The following FBXO28 variants were observed in gnomAD, a reference collection of about 807,000 sequenced individuals.
The protein encoded by FBXO28 is F-box only protein 28.
FBXO28 carries 8 observed loss-of-function variants against 38.1 expected under a neutral mutation model. The observed-to-expected ratio is 0.21, with a 90% CI of 0.12 to 0.38. The LOEUF (loss-of-function observed/expected upper bound fraction) is 0.38, where lower values mean the gene tolerates loss of function less well. Among genes scored for constraint, FBXO28 ranks in the 10% least tolerant of loss-of-function variants. The pLI is 1.00. For synonymous variants in FBXO28, 168 were observed against 173.8 expected, an observed-to-expected ratio of 0.97 and a Z score of 0.26; for missense variants, 345 against 460.6, an observed-to-expected ratio of 0.75 and a Z score of 2.30.
chr1:224,132,122 G>A (rs1165039090), intron 2 of FBXO28, among the ~76,000 whole-genome samples: 6 of 151,944 alleles, frequency 3.9e-5, no homozygotes, highest in Non-Finnish European at 5.9e-5. Context: ...GCATGGTGGC[G>A]GGTGCCTGTA....
chr1:224,140,761 A>C (rs971616404), intron 3 of FBXO28, among the ~76,000 whole-genome samples: 1 of 151,968 alleles, frequency 6.6e-6, no homozygotes, highest in Admixed American at 6.6e-5. Context: ...CCTAGCCAAC[A>C]TGGTGAAACC....
intron 3 of FBXO28, 133 bp from the exon 4 acceptor site, chr1:224,153,009 C>T (rs545608014): frequency 4.2e-5 from 24 of 570,246 alleles, no homozygotes; most frequent in Non-Finnish European, 6.9e-5. Context: ...CATCAGTGGC[C>T]AGTACATCAC....
chr1:224,140,293 C>A (rs1657312763), intron 3 of FBXO28, among the ~76,000 whole-genome samples: 1 of 152,128 alleles, frequency 6.6e-6, no homozygotes, highest in Non-Finnish European at 1.5e-5. Flanking sequence ...ATTCAAGTTT[C>A]ATCACATATT....
At chr1:224,122,591 C>CTT in intron 1 of FBXO28, among the ~76,000 whole-genome samples, 1 of 145,684 alleles carries the variant, frequency 6.9e-6, no homozygotes, top group African/African-American at 2.5e-5. Context: ...ATGCCATTGA[C>CTT]TTTTTTTTTT....
At chr1:224,139,613 C>T (rs901376777) in intron 3 of FBXO28, among the ~76,000 whole-genome samples, 9 of 152,040 alleles carry the variant, frequency 5.9e-5, no homozygotes, top group African/African-American at 1.7e-4. Flanking sequence ...TGGTGGCACA[C>T]GCCTGTAGTC....
intron 1 of FBXO28, among the ~76,000 whole-genome samples, chr1:224,123,634 A>G (rs1644044349): frequency 1.3e-5 from 2 of 152,054 alleles, no homozygotes; most frequent in Admixed American, 6.6e-5. Context: ...AAGTCTCTAC[A>G]GCATCTTAAA....
rs1386239166 is a variant in FBXO28 at position 224,139,764 on chromosome 1, G to GCATGCATGCATA, written c.516+5555_516+5556insGCATGCATACAT. 6.8e-3 allele frequency among the ~76,000 whole-genome samples: 990 copies of GCATGCATGCATA among 146,022 alleles called. 7 individuals are homozygous for GCATGCATGCATA. The highest frequency in any genetic ancestry group is 8.6e-3 in the Non-Finnish European group (573 of 66,982). On this transcript the variant is annotated intron_variant, in intron 3 of 4. Coordinates refer to ENST00000366862, the MANE Select transcript of FBXO28 (RefSeq NM_015176.4). ...GAAATAAATACATACATGCATGCAT[G>GCATGCATGCATA]CATACATACATACATACATACATAC...
chr1:224,140,810 G>A (rs1436095316), intron 3 of FBXO28, among the ~76,000 whole-genome samples: 2 of 152,000 alleles, frequency 1.3e-5, no homozygotes, highest in Non-Finnish European at 2.9e-5. Flanking sequence ...GCCGAGCATG[G>A]TGGCACGTGC....
chr1:224,127,895 A>T (rs1309249371), intron 1 of FBXO28, among the ~76,000 whole-genome samples: 1 of 152,200 alleles, frequency 6.6e-6, no homozygotes, highest in Non-Finnish European at 1.5e-5. Flanking sequence ...TGACAGCGAA[A>T]CTCTGTCTGA....
In FBXO28 at chr1:224,159,968, A is replaced by G. The variant is rs1001735506; in HGVS notation, c.*2222A>G. 2.2e-4 allele frequency: 34 copies of G among 152,214 alleles called. No individual in the cohort carries two copies. Among genetic ancestry groups the G allele is most frequent in the African/African-American group, 7.5e-4 (31 of 41,458 alleles). 9.4% of individuals were successfully genotyped at this position (152,214 alleles called of 1,614,324 possible). On this transcript the variant is annotated 3_prime_UTR_variant, in exon 5 of 5. Coordinates refer to ENST00000366862, the MANE Select transcript of FBXO28 (RefSeq NM_015176.4). ...TTTCTATTACAAAATCCAAATTTCT[A>G]TTGCATACACTTATAATCATCTATT... is the stretch of plus-strand genomic sequence containing the variant.
At position 224,134,870 on chromosome 1, in the gene FBXO28, G is replaced by T. The variant is rs114074251; in HGVS notation, c.516+658G>T. Among the ~76,000 whole-genome samples, 1,508 of 152,260 alleles carry T rather than the reference G, an allele frequency of 9.9e-3. 29 individuals carry two copies. The highest frequency in any genetic ancestry group is 0.034 in the African/African-American group (1,412 of 41,566). On this transcript the variant is annotated intron_variant, in intron 3 of 4. Transcript: ENST00000366862. ...GGAAGTGGTAGAGATATAATTAAAGGTCATTTTGCTACTTGGTTGATGCTG... is the reference window on the plus strand; with the variant it reads ...GGAAGTGGTAGAGATATAATTAAAGTTCATTTTGCTACTTGGTTGATGCTG...
intron 3 of FBXO28, among the ~76,000 whole-genome samples, chr1:224,149,771 G>A (rs892774771): frequency 5.3e-5 from 8 of 152,198 alleles, no homozygotes; most frequent in African/African-American, 1.9e-4. Context: ...GGAATAAAGG[G>A]TTGGATGAAG....
intron 3 of FBXO28, among the ~76,000 whole-genome samples, chr1:224,151,282 C>A (rs1377545645): frequency 2.0e-5 from 3 of 152,146 alleles, no homozygotes; most frequent in Non-Finnish European, 4.4e-5. Flanking sequence ...TCTCATCTCC[C>A]ATTGCATCTG....
At chr1:224,146,427 G>A (rs1319763758) in intron 3 of FBXO28, among the ~76,000 whole-genome samples, 1 of 152,058 alleles carries the variant, frequency 6.6e-6, no homozygotes, top group Non-Finnish European at 1.5e-5. Context: ...CAGGAGCTTT[G>A]TTTGCTAAAC....
chr1:224,143,395 T>A (rs1433628622), intron 3 of FBXO28, among the ~76,000 whole-genome samples: 1 of 152,128 alleles, frequency 6.6e-6, no homozygotes, highest in African/African-American at 2.4e-5. Context: ...GTGGTCCCAG[T>A]CTGAGTGAGT....
At chr1:224,152,650 G>A (rs1304976689) in intron 3 of FBXO28, among the ~76,000 whole-genome samples, 1 of 152,026 alleles carries the variant, frequency 6.6e-6, no homozygotes, top group Non-Finnish European at 1.5e-5. Flanking sequence ...TATGTAACAG[G>A]CCGGGCACAG....
chr1:224,159,306 C>G lies in FBXO28; in HGVS notation c.*1560C>G, dbSNP rs558246635. 6.6e-6 allele frequency: 1 copy of G among 152,092 alleles called. No individual in the cohort carries two copies. Among genetic ancestry groups the G allele is most frequent in the African/African-American group, 2.4e-5 (1 of 41,286 alleles). 9.4% of individuals were successfully genotyped at this position (152,092 alleles called of 1,614,324 possible). On this transcript the variant is annotated 3_prime_UTR_variant, in exon 5 of 5. Transcript: ENST00000366862. The stretch of plus-strand genomic sequence containing the variant: ...GCACAAGGTTATCACCTTTTTTATC[C>G]GTCCACCGTGACATGGTTATGCATC...
chr1:224,122,387 A>G (rs1370831252), intron 1 of FBXO28, among the ~76,000 whole-genome samples: 1 of 152,100 alleles, frequency 6.6e-6, no homozygotes, highest in Admixed American at 6.6e-5. Flanking sequence ...GAAAATACTG[A>G]TATTTTGCCC....
intron 1 of FBXO28, among the ~76,000 whole-genome samples, chr1:224,117,352 G>T (rs1656665484): frequency 6.6e-6 from 1 of 152,036 alleles, no homozygotes; most frequent in East Asian, 2.0e-4. Context: ...TATTTTAGTA[G>T]AGACGGGGTT....
Sources: allele counts gnomAD v4.1 joint callset (sites outside exome capture counted in the v4.1 genomes callset), GRCh38; gene constraint gnomAD v4.1.1; transcripts MANE v1.5; gene names NCBI Gene and HGNC (gene_info 2026-07-23, HGNC 2026-07-21).